UFSP2: variants seen among roughly 807,000 people sequenced by gnomAD.
The protein encoded by UFSP2 is ufm1-specific protease 2.
Under a neutral mutation model 60.2 loss-of-function variants are expected in UFSP2, and 43 were observed. That is an observed-to-expected ratio of 0.71 (90% confidence interval 0.56 to 0.92). The LOEUF (loss-of-function observed/expected upper bound fraction) is 0.92, where lower values mean the gene tolerates loss of function less well. Ranked by LOEUF, UFSP2 falls within the 40% of genes least tolerant of loss-of-function variation. The pLI, the probability that UFSP2 is intolerant of heterozygous loss-of-function variation, is 0.00. For synonymous variants in UFSP2, 183 were observed against 195.1 expected (o/e 0.94, Z 0.52); for missense variants, 520 against 575.0 (o/e 0.90, Z 0.98).
At chr4:185,417,850 C>T (rs973271746) in intron 4 of UFSP2, among the ~76,000 whole-genome samples, 3 of 152,072 alleles carry the variant, frequency 2.0e-5, no homozygotes, top group Non-Finnish European at 2.9e-5. Flanking sequence ...TTGAGACCAG[C>T]GTGGCCAACC....
In UFSP2 at chr4:185,418,728, A is replaced by G. The variant is rs2095543791; in HGVS notation, c.125T>C (p.Leu42Pro). 2 of 1,612,466 alleles carry G rather than the reference A, an allele frequency of 1.2e-6. No individual in the cohort carries two copies. Among genetic ancestry groups the G allele is most frequent in the East Asian group, 2.2e-5 (1 of 44,848 alleles). Residue 42 changes from leucine (L) to proline (P), a missense_variant, in exon 3 of 12, where the codon CTG (leucine) becomes CCG (proline). Transcript: ENST00000264689. ...KKALKHVLSD[L>P]STKLSSNALV... ...GGCGTTTGAAGACAGCTTAGTTGAC[A>G]GGTCACTCAACACATGTTTCAGTGC...
chr4:185,410,090 T>TA (rs1275002686), intron 7 of UFSP2, among the ~76,000 whole-genome samples: 1 of 152,048 alleles, frequency 6.6e-6, no homozygotes, highest in Non-Finnish European at 1.5e-5. Context: ...ATTTCAGAGT[T>TA]AGTTTCACTT....
At chr4:185,405,388 C>T (rs1219215569) in intron 10 of UFSP2, among the ~76,000 whole-genome samples, 1 of 152,154 alleles carries the variant, frequency 6.6e-6, no homozygotes, top group Non-Finnish European at 1.5e-5. Flanking sequence ...ATCTTTAGAT[C>T]AGCTAATCCA....
intron 2 of UFSP2, among the ~76,000 whole-genome samples, chr4:185,419,080 T>C (rs1460879637): frequency 1.3e-5 from 2 of 152,114 alleles, no homozygotes; most frequent in Non-Finnish European, 2.9e-5. Context: ...AGCAGTCGTT[T>C]CTCATTCCCC....
At position 185,425,948 on chromosome 4, in the gene UFSP2, C is replaced by A. The variant is rs534680574; in HGVS notation, c.-80G>T. On this transcript the variant is annotated 5_prime_UTR_variant, in exon 1 of 12. Coordinates refer to ENST00000264689, the MANE Select transcript of UFSP2 (RefSeq NM_018359.5). ...CCGGCCCTGAAGTGGTGTCACCGCA[C>A]GGCCCAGGGGCGGGGCCCGGGCGGA... 3.3e-6 allele frequency: 5 copies of A among 1,528,500 alleles called. No homozygotes were observed. The highest frequency in any genetic ancestry group is 4.4e-6 in the Non-Finnish European group (5 of 1,125,368). The allele number at this position is 1,528,500 out of a possible 1,614,324, so 94.7% of individuals were successfully genotyped here.
intron 9 of UFSP2, among the ~76,000 whole-genome samples, chr4:185,407,501 A>G (rs2095522572): frequency 6.6e-6 from 1 of 152,206 alleles, no homozygotes; most frequent in Non-Finnish European, 1.5e-5. Flanking sequence ...TTATTTGAAC[A>G]CATTACTAGA....
intron 4 of UFSP2, among the ~76,000 whole-genome samples, chr4:185,416,928 T>C (rs150896684): frequency 6.6e-6 from 1 of 152,326 alleles, no homozygotes; most frequent in Non-Finnish European, 1.5e-5. Context: ...CAGATTAATA[T>C]TGGATTCTGG....
chr4:185,417,577 C>G (rs531548747), intron 4 of UFSP2, among the ~76,000 whole-genome samples: 2 of 152,318 alleles, frequency 1.3e-5, no homozygotes, highest in African/African-American at 4.8e-5. Flanking sequence ...AAGAGGCCCA[C>G]GCCCACCTCT....
intron 2 of UFSP2, among the ~76,000 whole-genome samples, chr4:185,419,395 G>C (rs1033542346): frequency 2.0e-5 from 3 of 152,178 alleles, no homozygotes; most frequent in Admixed American, 6.5e-5. Context: ...CTCCCAAAGT[G>C]CTGGGATTAC....
chr4:185,404,752 A>T (rs2095518196), intron 10 of UFSP2, among the ~76,000 whole-genome samples: 1 of 150,548 alleles, frequency 6.6e-6, no homozygotes, highest in African/African-American at 2.5e-5. Flanking sequence ...CACCCAGCTA[A>T]ATTTTGTATT....
intron 10 of UFSP2, among the ~76,000 whole-genome samples, chr4:185,403,966 C>CAAAAAAA (rs779330516): frequency 1.2e-4 from 10 of 85,118 alleles, no homozygotes; most frequent in East Asian, 1.0e-3. Flanking sequence ...GCAAGACTCT[C>CAAAAAAA]AAAAAAAAAA....
At chr4:185,413,080 G>A (rs545391826) in intron 7 of UFSP2, among the ~76,000 whole-genome samples, 5 of 152,252 alleles carry the variant, frequency 3.3e-5, no homozygotes, top group African/African-American at 4.8e-5. Flanking sequence ...CCTACATGGC[G>A]GATCACTTGA....
rs566648101 is a variant in UFSP2 at position 185,415,990 on chromosome 4, C to T, written c.334-123G>A. On this transcript the variant is annotated intron_variant, in intron 4 of 11. Transcript: ENST00000264689. ...AAAAAAATTTAAGACTAGCCAAGTA[C>T]AGTAGTGAAAAGGGGGAAAGAGTAG... The T allele has an allele frequency of 3.5e-4, 261 of 746,320 alleles. 4 individuals carry two copies. In the African/African-American group the frequency reaches 4.3e-3, roughly 12 times the overall value. 46.2% of individuals were successfully genotyped at this position (746,320 alleles called of 1,614,324 possible). A position where few individuals can be genotyped will look rare whatever the true frequency, so the allele number is the denominator to read the frequency against.
At chr4:185,409,976 G>C (rs2095526414) in intron 7 of UFSP2, among the ~76,000 whole-genome samples, 1 of 152,150 alleles carries the variant, frequency 6.6e-6, no homozygotes, top group Non-Finnish European at 1.5e-5. Flanking sequence ...TGTCAGCCCA[G>C]TGATACTACT....
intron 7 of UFSP2, among the ~76,000 whole-genome samples, chr4:185,412,454 A>G (rs1489951533): frequency 1.3e-5 from 2 of 151,998 alleles, no homozygotes. Flanking sequence ...AATTCTTAAG[A>G]TTTCCTCAAA....
intron 6 of UFSP2, among the ~76,000 whole-genome samples, chr4:185,414,471 G>C (rs747766681): frequency 2.0e-5 from 3 of 152,128 alleles, no homozygotes; most frequent in African/African-American, 4.8e-5. Context: ...TTGTACTCCA[G>C]TGGTTTTAAA....
Position 185,415,723 on chromosome 4 carries a change from C to G in UFSP2, c.478G>C (p.Glu160Gln). The G allele has an allele frequency of 1.2e-6, 2 of 1,609,048 alleles. No individual in the cohort carries two copies. Among genetic ancestry groups the G allele is most frequent in the Non-Finnish European group, 1.7e-6 (2 of 1,178,330 alleles). The change falls in exon 5 of 12, where the codon GAA becomes CAA. Residue 160 changes from glutamate to glutamine, a missense_variant. Transcript: ENST00000264689. ...AAAAATACTTACTTTCCCCATGTTT[C>G]TTCTGGAGCAACAGATATAACTGCA... is the stretch of plus-strand genomic sequence containing the variant. ...VDAVISVAPE[E>Q]TWGKVRKLLV...
Position 185,399,883 on chromosome 4 carries a change from A to C in UFSP2, c.*509T>G. On this transcript the variant is annotated 3_prime_UTR_variant, in exon 12 of 12. Transcript: ENST00000264689. The stretch of plus-strand genomic sequence containing the variant: ...CTCGTATTTCTAGTAGTATTGTTTC[A>C]TTCTCATTAACATTTTAGTACTGGT... 6.5e-7 allele frequency: 1 copy of C among 1,544,052 alleles called. No homozygotes were observed.
chr4:185,415,786 C>A lies in UFSP2; in HGVS notation c.415G>T (p.Gly139Ter). Residue 139 changes from glycine (G) to a stop codon, truncating the protein, a stop_gained, in exon 5 of 12, where the codon GGA (glycine) becomes TGA (stop). Coordinates refer to ENST00000264689, the MANE Select transcript of UFSP2 (RefSeq NM_018359.5). LOFTEE classifies it high-confidence loss of function. ...AVTPIIERESGGHHYVNMTLP... is the reference protein window; with the variant it reads ...AVTPIIERES ...GTCATATTAACATAATGGTGTCCTC[C>A]GCTTTCCCTTTCAATGATGGGCGTT... 6.2e-7 allele frequency: 1 copy of A among 1,613,672 alleles called. No homozygotes were observed. Among genetic ancestry groups the A allele is most frequent in the Non-Finnish European group, 8.5e-7 (1 of 1,179,646 alleles).
Sources: gnomAD v4.1 joint callset for allele counts (sites outside exome capture counted in the v4.1 genomes callset) on GRCh38, gnomAD v4.1.1 for gene constraint, MANE v1.5 for transcripts, NCBI Gene and HGNC (gene_info 2026-07-23, HGNC 2026-07-21) for gene names.